The following AKAP6 variants were observed in gnomAD, a reference collection of about 807,000 sequenced individuals.
AKAP6 encodes A-kinase anchor protein 6.
A neutral mutation model predicts 188.5 loss-of-function variants in AKAP6; 58 were observed. The ratio of observed to expected loss-of-function variants is 0.31; its 90% CI spans 0.25 to 0.38. The LOEUF (loss-of-function observed/expected upper bound fraction) is 0.38. AKAP6 is among the 10% of genes least tolerant of loss of function. The probability of loss-of-function intolerance (pLI) is 1.00; values close to 1 mark genes in which losing one functional copy is unlikely to be tolerated. For missense variants in AKAP6, 2,710 were observed against 2,740.0 expected (o/e 0.99, Z 0.24); for synonymous variants, 989 against 998.6 (o/e 0.99, Z 0.18).
rs150614773 is a variant in AKAP6 at position 32,425,325 on chromosome 14, G to A, written c.-34-8135G>A. ...AAGTGTCTGTTCATTGGCTGGATGCGGTGGCTTGTGCCTATAATTCCAGCA... is the reference window on the plus strand; with the variant it reads ...AAGTGTCTGTTCATTGGCTGGATGCAGTGGCTTGTGCCTATAATTCCAGCA... On this transcript the variant is annotated intron_variant, in intron 1 of 13. Transcript: ENST00000280979. Among the ~76,000 whole-genome samples, 131 of 152,122 alleles carry A rather than the reference G, an allele frequency of 8.6e-4. 2 individuals carry two copies. The East Asian group carries it at 0.023, about 26-fold the overall frequency.
At chr14:32,573,383 T>G (rs1484010705) in intron 4 of AKAP6, among the ~76,000 whole-genome samples, 2 of 152,110 alleles carry the variant, frequency 1.3e-5, no homozygotes, top group African/African-American at 4.8e-5. Context: ...ATTCAGAATA[T>G]TAGAAACACA....
chr14:32,354,986 C>T (rs1302418457), intron 1 of AKAP6, among the ~76,000 whole-genome samples: 2 of 152,190 alleles, frequency 1.3e-5, no homozygotes, highest in African/African-American at 4.8e-5. Flanking sequence ...TCAGGCCAAG[C>T]TGACAAGTCA....
At chr14:32,582,562 A>T (rs1044429661) in intron 5 of AKAP6, among the ~76,000 whole-genome samples, 6 of 152,166 alleles carry the variant, frequency 3.9e-5, no homozygotes, top group African/African-American at 1.2e-4. Flanking sequence ...GAAGTTCTCC[A>T]GGATAATATC....
intron 11 of AKAP6, among the ~76,000 whole-genome samples, chr14:32,743,170 G>A (rs2031752534): frequency 1.3e-5 from 2 of 152,006 alleles, no homozygotes; most frequent in South Asian, 4.1e-4. Context: ...TATTTTGTCT[G>A]ATATACACAT....
intron 7 of AKAP6, among the ~76,000 whole-genome samples, chr14:32,645,835 T>C (rs1162931538): frequency 6.6e-6 from 1 of 152,226 alleles, no homozygotes; most frequent in Non-Finnish European, 1.5e-5. Flanking sequence ...CACTTTTTAA[T>C]GGAAAATTCT....
chr14:32,696,209 G>A, intron 9 of AKAP6, 99 bp downstream of exon 9: 1 of 1,408,862 alleles, frequency 7.1e-7, no homozygotes, highest in Non-Finnish European at 9.3e-7. Context: ...TTCATTGTAT[G>A]TATCATGGTG....
chr14:32,572,508 C>A (rs1203470410), intron 4 of AKAP6, among the ~76,000 whole-genome samples: 1 of 152,210 alleles, frequency 6.6e-6, no homozygotes, highest in Admixed American at 6.5e-5. Context: ...ATATGACAGC[C>A]TTGCCAGAGG....
chr14:32,757,767 A>T (rs2032392956), intron 11 of AKAP6, among the ~76,000 whole-genome samples: 4 of 152,118 alleles, frequency 2.6e-5, no homozygotes, highest in Admixed American at 2.6e-4. Flanking sequence ...TAGGATGTGG[A>T]TGTGGTTGGA....
At chr14:32,487,003 T>C (rs1406224642) in intron 2 of AKAP6, among the ~76,000 whole-genome samples, 1 of 152,204 alleles carries the variant, frequency 6.6e-6, no homozygotes, top group Non-Finnish European at 1.5e-5. Context: ...CAATACCTAG[T>C]TTATTGAGTG....
chr14:32,654,525 C>A (rs1283857572), intron 7 of AKAP6, among the ~76,000 whole-genome samples: 2 of 151,912 alleles, frequency 1.3e-5, no homozygotes, highest in Non-Finnish European at 2.9e-5. Flanking sequence ...GACTGATAGT[C>A]TTTTTAAAAG....
chr14:32,345,950 G>A (rs1324504328), intron 1 of AKAP6, among the ~76,000 whole-genome samples: 1 of 152,176 alleles, frequency 6.6e-6, no homozygotes, highest in African/African-American at 2.4e-5. Flanking sequence ...GTTAAAAAAT[G>A]TCTGAGCTCT....
chr14:32,542,768 C>T (rs913148000), intron 3 of AKAP6, among the ~76,000 whole-genome samples: 31 of 152,084 alleles, frequency 2.0e-4, no homozygotes, highest in African/African-American at 7.0e-4. Context: ...CCTCTTTGGG[C>T]CTGGCCTTGA....
chr14:32,395,642 T>C (rs1002959317), intron 1 of AKAP6, among the ~76,000 whole-genome samples: 7 of 152,226 alleles, frequency 4.6e-5, no homozygotes, highest in Non-Finnish European at 8.8e-5. Context: ...AGTAATCTTA[T>C]GTTGTTTATG....
At chr14:32,357,576 A>G (rs1887522981) in intron 1 of AKAP6, among the ~76,000 whole-genome samples, 1 of 152,224 alleles carries the variant, frequency 6.6e-6, no homozygotes, top group Non-Finnish European at 1.5e-5. Context: ...GATGTTTAAA[A>G]ATTTAGAGAC....
intron 11 of AKAP6, among the ~76,000 whole-genome samples, chr14:32,761,984 G>T (rs371535747): frequency 3.3e-5 from 5 of 152,042 alleles, no homozygotes; most frequent in African/African-American, 9.7e-5. Context: ...AGCACAGTGG[G>T]TGTTGTAAAT....
chr14:32,367,345 T>G (rs1474331862), intron 1 of AKAP6, among the ~76,000 whole-genome samples: 1 of 152,244 alleles, frequency 6.6e-6, no homozygotes, highest in Non-Finnish European at 1.5e-5. Context: ...TAGAAGTGTG[T>G]GTGCTCATAG....
intron 1 of AKAP6, among the ~76,000 whole-genome samples, chr14:32,424,913 T>C (rs1262084444): frequency 1.3e-5 from 2 of 152,308 alleles, no homozygotes; most frequent in East Asian, 3.9e-4. Flanking sequence ...TTGATGGGCA[T>C]TTAGGTTGAT....
intron 12 of AKAP6, among the ~76,000 whole-genome samples, chr14:32,789,327 C>T (rs1279241049): frequency 1.3e-5 from 2 of 152,228 alleles, no homozygotes; most frequent in Non-Finnish European, 2.9e-5. Flanking sequence ...ACTGTCTGGA[C>T]GCGGAAGGGT....
At chr14:32,575,132 C>T (rs1049870183) in intron 4 of AKAP6, among the ~76,000 whole-genome samples, 1 of 152,014 alleles carries the variant, frequency 6.6e-6, no homozygotes, top group African/African-American at 2.4e-5. Context: ...AGTGTAACTT[C>T]GATATTAAAA....
Sources: gnomAD v4.1 joint callset for allele counts (sites outside exome capture counted in the v4.1 genomes callset) on GRCh38, gnomAD v4.1.1 for gene constraint, MANE v1.5 for transcripts, NCBI Gene and HGNC (gene_info 2026-07-23, HGNC 2026-07-21) for gene names.